ULK4: variants seen among roughly 807,000 people sequenced by gnomAD.
The protein encoded by ULK4 is unc-51 like kinase 4, also known as inactive serine/threonine-protein kinase ULK4.
Under a neutral mutation model 160.6 loss-of-function variants are expected in ULK4, and 133 were observed. That is an observed-to-expected ratio of 0.83 (90% CI 0.72 to 0.96). The LOEUF (loss-of-function observed/expected upper bound fraction) is 0.96, where lower values mean the gene tolerates loss of function less well. Ranked by LOEUF, ULK4 falls within the 40% of genes least tolerant of loss-of-function variation. ULK4 has a pLI of 0.00. For synonymous variants in ULK4, 534 were observed against 539.8 expected (o/e 0.99, Z 0.15); for missense variants, 1,580 against 1,499.5 (o/e 1.05, Z -0.89).
At chr3:41,636,522 A>T (rs1013005924) in intron 30 of ULK4, among the ~76,000 whole-genome samples, 1 of 151,706 alleles carries the variant, frequency 6.6e-6, no homozygotes, top group African/African-American at 2.4e-5. Context: ...CGACAGAGCA[A>T]GACTCTGTCT....
chr3:41,742,349 A>T (rs534698353), intron 22 of ULK4, among the ~76,000 whole-genome samples: 10 of 152,126 alleles, frequency 6.6e-5, no homozygotes, highest in African/African-American at 2.2e-4. Flanking sequence ...GAAACAGGCC[A>T]TTCTTTAATT....
intron 31 of ULK4, among the ~76,000 whole-genome samples, chr3:41,571,391 C>A (rs2125612403): frequency 6.6e-6 from 1 of 152,308 alleles, no homozygotes; most frequent in Non-Finnish European, 1.5e-5. Flanking sequence ...AAGCATACTT[C>A]TATTAACTTG....
At chr3:41,806,166 G>C (rs1259901932) in intron 19 of ULK4, among the ~76,000 whole-genome samples, 2 of 147,860 alleles carry the variant, frequency 1.4e-5, no homozygotes, top group Non-Finnish European at 3.0e-5. Context: ...TTCAGAGCCT[G>C]TTATTGGTCT....
intron 27 of ULK4, among the ~76,000 whole-genome samples, chr3:41,703,954 A>G (rs958185633): frequency 4.6e-5 from 7 of 152,096 alleles, no homozygotes; most frequent in Admixed American, 2.0e-4. Flanking sequence ...CAGTTCTACA[A>G]TGGTATCTAC....
Position 41,696,208 on chromosome 3 carries a change from C to T in ULK4, c.2781+8849G>A, listed in dbSNP as rs370684648. On this transcript the variant is annotated intron_variant, in intron 27 of 36. Transcript: ENST00000301831. ...CACCCGCAGTTATCCAGAGGCCTAACCATCTCCCTGTGGTGCTATGCTTCA... is the reference window on the plus strand; with the variant it reads ...CACCCGCAGTTATCCAGAGGCCTAATCATCTCCCTGTGGTGCTATGCTTCA... Among the ~76,000 whole-genome samples the T allele has an allele frequency of 2.0e-5, 3 of 152,366 alleles. No homozygotes were observed. The East Asian group carries it at 5.8e-4, about 29-fold the overall frequency.
intron 34 of ULK4, among the ~76,000 whole-genome samples, chr3:41,400,035 CTTTTA>C (rs1434855246): frequency 1.3e-5 from 2 of 152,058 alleles, no homozygotes; most frequent in Non-Finnish European, 2.9e-5. Context: ...GTGAATTAAA[CTTTTA>C]TTTTGAGATA....
intron 35 of ULK4, among the ~76,000 whole-genome samples, chr3:41,284,038 A>G (rs1273186087): frequency 6.6e-6 from 1 of 152,112 alleles, no homozygotes; most frequent in Non-Finnish European, 1.5e-5. Context: ...GACCTCTACA[A>G]AGAAAACTAC....
At chr3:41,369,085 C>T (rs1158296090) in intron 35 of ULK4, among the ~76,000 whole-genome samples, 2 of 152,104 alleles carry the variant, frequency 1.3e-5, no homozygotes, top group Non-Finnish European at 2.9e-5. Context: ...TCAATGAATA[C>T]AACTAATAAT....
chr3:41,356,598 T>A (rs529250841), intron 35 of ULK4, among the ~76,000 whole-genome samples: 44 of 152,280 alleles, frequency 2.9e-4, no homozygotes, highest in East Asian at 1.2e-3. Context: ...TAAGATATAT[T>A]TTTTTTAACA....
intron 25 of ULK4, among the ~76,000 whole-genome samples, chr3:41,707,510 A>G (rs181560360): frequency 3.9e-5 from 6 of 152,318 alleles, no homozygotes; most frequent in South Asian, 2.1e-4. Flanking sequence ...ACTCAACTCA[A>G]TAGTAAGAAG....
At position 41,897,071 on chromosome 3, in the gene ULK4, G is replaced by A. The variant is rs1026102333; in HGVS notation, c.1349-68C>T. On this transcript the variant is annotated intron_variant, in intron 14 of 36. Coordinates refer to ENST00000301831, the MANE Select transcript of ULK4 (RefSeq NM_017886.4). ...AAGAACTGCTGGAAACATTACATAA[G>A]AAATAAACACAGAATTACGACAGCT... 9 of 1,382,716 alleles carry A rather than the reference G, an allele frequency of 6.5e-6. No individual in the cohort carries two copies. The African/African-American group carries it at 8.6e-5, about 13-fold the overall frequency. The allele number at this position is 1,382,716 out of a possible 1,614,324, so 85.7% of individuals were successfully genotyped here.
chr3:41,295,814 G>A (rs9869660), intron 35 of ULK4, among the ~76,000 whole-genome samples: 81,923 of 151,984 alleles, frequency 0.54, 23,531 homozygotes, highest in African/African-American at 0.76. Flanking sequence ...AGGAACTCTC[G>A]CTCATTGCTG....
At chr3:41,823,929 G>A (rs144005986) in intron 18 of ULK4, among the ~76,000 whole-genome samples, 313 of 152,252 alleles carry the variant, frequency 2.1e-3, no homozygotes, top group African/African-American at 7.2e-3. Flanking sequence ...TTGGAAGACT[G>A]AGGCAGGCAG....
At chr3:41,610,666 A>C (rs2032632164) in intron 31 of ULK4, among the ~76,000 whole-genome samples, 1 of 152,258 alleles carries the variant, frequency 6.6e-6, no homozygotes, top group African/African-American at 2.4e-5. Flanking sequence ...GCTTGCTTCA[A>C]CTGCTATCCT....
At chr3:41,288,914 T>C (rs745532414) in intron 35 of ULK4, among the ~76,000 whole-genome samples, 10 of 152,124 alleles carry the variant, frequency 6.6e-5, no homozygotes, top group Non-Finnish European at 1.2e-4. Flanking sequence ...TGGTACATCT[T>C]TGGGCCTCAC....
intron 32 of ULK4, among the ~76,000 whole-genome samples, chr3:41,473,296 G>T (rs1263337696): frequency 1.3e-5 from 2 of 152,122 alleles, no homozygotes; most frequent in Non-Finnish European, 2.9e-5. Context: ...AAGTAGAATT[G>T]TTGCTGTTTG....
chr3:41,620,456 T>C (rs987030331), intron 30 of ULK4, among the ~76,000 whole-genome samples: 11 of 152,200 alleles, frequency 7.2e-5, no homozygotes, highest in Admixed American at 4.6e-4. Flanking sequence ...GCAAGGCTGG[T>C]TCAACATACG....
intron 35 of ULK4, among the ~76,000 whole-genome samples, chr3:41,261,434 C>T (rs2125676991): frequency 6.6e-6 from 1 of 152,048 alleles, no homozygotes; most frequent in East Asian, 1.9e-4. Context: ...ACCCAGTCCC[C>T]TCAACTTCAA....
intron 34 of ULK4, among the ~76,000 whole-genome samples, chr3:41,404,368 T>G (rs1031837980): frequency 2.0e-5 from 3 of 152,274 alleles, no homozygotes; most frequent in Admixed American, 6.5e-5. Flanking sequence ...TTTTCCCTGC[T>G]CTGAAGTGTA....
Sources: gnomAD v4.1 joint callset for allele counts (sites outside exome capture counted in the v4.1 genomes callset) on GRCh38, gnomAD v4.1.1 for gene constraint, MANE v1.5 for transcripts, NCBI Gene and HGNC (gene_info 2026-07-23, HGNC 2026-07-21) for gene names.